The following GPHN variants were observed in gnomAD, a reference collection of about 807,000 sequenced individuals.
GPHN encodes gephyrin.
In GPHN, 17 loss-of-function variants were observed where a neutral mutation model predicts 95.5. The observed-to-expected ratio is 0.18, with a 90% confidence interval of 0.12 to 0.27. The LOEUF (loss-of-function observed/expected upper bound fraction) is 0.27. Among genes scored for constraint, GPHN ranks in the 10% least tolerant of loss-of-function variants. GPHN has a pLI of 1.00. For synonymous variants in GPHN, 320 were observed against 322.5 expected (o/e 0.99, Z 0.08); for missense variants, 660 against 978.1 (o/e 0.67, Z 4.34).
the GPHN span, chr14:67,572,261 G>A: frequency 6.2e-7 from 1 of 1,602,032 alleles, no homozygotes; most frequent in East Asian, 2.2e-5. Context: ...TCCACCGACG[G>A]GCTGGGCCTG....
chr14:67,697,193 A>T, the GPHN span, among the ~76,000 whole-genome samples: 3 of 152,214 alleles, frequency 2.0e-5, no homozygotes, highest in Admixed American at 6.5e-5. Flanking sequence ...GTCAGAGAAG[A>T]CCTTAAATAA....
At chr14:66,865,629 G>A (rs572301951) in intron 4 of GPHN, among the ~76,000 whole-genome samples, 79 of 152,224 alleles carry the variant, frequency 5.2e-4, no homozygotes, top group African/African-American at 1.7e-3. Flanking sequence ...CCTTATTACA[G>A]TGTTGAGTAA....
intron 17 of GPHN, among the ~76,000 whole-genome samples, chr14:67,132,678 G>A (rs940787658): frequency 6.6e-6 from 1 of 151,776 alleles, no homozygotes; most frequent in African/African-American, 2.4e-5. Context: ...CGTTGCTATT[G>A]CAGTTGACAT....
At chr14:67,070,715 A>AAAAAAAAATATATATATATAT in intron 11 of GPHN, among the ~76,000 whole-genome samples, 150 of 80,564 alleles carry the variant, frequency 1.9e-3, no homozygotes, top group African/African-American at 8.4e-3. Flanking sequence ...AAAAAAAAAA[A>AAAAAAAAATATATATATATAT]ATATATATAT....
chr14:67,508,661 C>T, the GPHN span, among the ~76,000 whole-genome samples: 9 of 148,054 alleles, frequency 6.1e-5, no homozygotes, highest in Admixed American at 4.9e-4. Context: ...CTAGAGGATC[C>T]CTTGAGCCCA....
intron 9 of GPHN, among the ~76,000 whole-genome samples, chr14:66,988,888 C>T (rs563753245): frequency 4.6e-5 from 7 of 151,920 alleles, no homozygotes; most frequent in African/African-American, 1.2e-4. Flanking sequence ...TCCTGGTATC[C>T]GATTTACTTC....
chr14:66,841,010 GATATAGATATAGA>G (rs1567006672), intron 4 of GPHN, among the ~76,000 whole-genome samples: 1 of 144,604 alleles, frequency 6.9e-6, no homozygotes, highest in Admixed American at 7.7e-5. Flanking sequence ...TATAGATATA[GATATAGATATAGA>G]TATAGATATA....
chr14:66,871,947 A>C (rs935614334), intron 4 of GPHN, among the ~76,000 whole-genome samples: 2 of 152,206 alleles, frequency 1.3e-5, no homozygotes, highest in Non-Finnish European at 2.9e-5. Context: ...AAATTTAAAA[A>C]AAAATTTAAA....
chr14:66,656,487 T>C (rs2065313586), intron 1 of GPHN, among the ~76,000 whole-genome samples: 1 of 152,194 alleles, frequency 6.6e-6, no homozygotes, highest in South Asian at 2.1e-4. Context: ...CTTTATTTTA[T>C]TGGGCTTTAC....
rs149822956 is a variant in GPHN at position 67,104,177 on chromosome 14, G to A, written c.1293+3266G>A. On this transcript the variant is annotated intron_variant, in intron 13 of 22. Coordinates refer to ENST00000478722, the MANE Select transcript of GPHN (RefSeq NM_020806.5). ...GGTGTGATGTATCACATTTATTGAT[G>A]GGCATATGTTGAGCCACCCTTGCAT... Among the ~76,000 whole-genome samples, 453 of 152,196 alleles carry A rather than the reference G, an allele frequency of 3.0e-3. 3 individuals are homozygous for A. The highest frequency in any genetic ancestry group is 0.01 in the African/African-American group (435 of 41,524).
At chr14:67,575,520 G>A in the GPHN span, 3 of 1,149,224 alleles carry the variant, frequency 2.6e-6, no homozygotes, top group Non-Finnish European at 3.9e-6. Flanking sequence ...TTCCCCCGAA[G>A]CACATGACTG....
chr14:67,489,858 T>G, the GPHN span, among the ~76,000 whole-genome samples: 3 of 152,142 alleles, frequency 2.0e-5, no homozygotes, highest in African/African-American at 7.2e-5. Flanking sequence ...GGTGTGATGG[T>G]GGGCACCTGT....
the GPHN span, chr14:67,686,188 C>T: frequency 6.6e-6 from 1 of 152,354 alleles, no homozygotes; most frequent in East Asian, 1.9e-4. Flanking sequence ...TGCCCAGTTT[C>T]AAATCCTGGC....
intron 5 of GPHN, 103 bp from the exon 6 acceptor site, chr14:66,915,900 A>G (rs2065873459): frequency 1.3e-6 from 1 of 760,764 alleles, no homozygotes; most frequent in African/African-American, 1.7e-5. Context: ...TTCCTAAAAC[A>G]GTTGTTCACA....
chr14:67,423,286 T>C, the GPHN span, among the ~76,000 whole-genome samples: 1 of 152,230 alleles, frequency 6.6e-6, no homozygotes, highest in African/African-American at 2.4e-5. Flanking sequence ...TGACTGTCTG[T>C]AGTGACCTCT....
At chr14:66,630,315 G>A (rs886485148) in intron 1 of GPHN, among the ~76,000 whole-genome samples, 6 of 152,124 alleles carry the variant, frequency 3.9e-5, no homozygotes, top group Non-Finnish European at 7.4e-5. Flanking sequence ...TTGTTGAGAT[G>A]TGTGGGGTCA....
chr14:66,975,939 A>G (rs932988517), intron 9 of GPHN, among the ~76,000 whole-genome samples: 1 of 152,186 alleles, frequency 6.6e-6, no homozygotes, highest in Non-Finnish European at 1.5e-5. Flanking sequence ...TGTAACACCA[A>G]GATATTAAAT....
chr14:66,638,512 T>A (rs1392015402), intron 1 of GPHN, among the ~76,000 whole-genome samples: 1 of 152,060 alleles, frequency 6.6e-6, no homozygotes, highest in Admixed American at 6.6e-5. Context: ...AATGATGAAG[T>A]CATCTAGAAG....
At chr14:66,819,427 A>T (rs1422466680) in intron 3 of GPHN, among the ~76,000 whole-genome samples, 3 of 151,866 alleles carry the variant, frequency 2.0e-5, no homozygotes, top group Non-Finnish European at 4.4e-5. Flanking sequence ...TTCTGTCCCC[A>T]TTGCTTGTTT....
Sources: allele counts gnomAD v4.1 joint callset (sites outside exome capture counted in the v4.1 genomes callset), GRCh38; gene constraint gnomAD v4.1.1; transcripts MANE v1.5; gene names NCBI Gene and HGNC (gene_info 2026-07-23, HGNC 2026-07-21).